PSEN1: variants seen among roughly 807,000 people sequenced by gnomAD.
PSEN1 encodes the protein presenilin 1.
Under a neutral mutation model 53.5 loss-of-function variants are expected in PSEN1, and 15 were observed. That is an observed-to-expected ratio of 0.28 (90% CI 0.19 to 0.43). PSEN1 has a LOEUF of 0.43. Among genes scored for constraint, PSEN1 ranks in the 20% least tolerant of loss-of-function variants. The pLI is 1.00. For synonymous variants in PSEN1, 208 were observed against 209.8 expected (o/e 0.99, Z 0.08); for missense variants, 387 against 571.2 (o/e 0.68, Z 3.29).
At chr14:73,196,206 T>C (rs1315170132) in intron 7 of PSEN1, among the ~76,000 whole-genome samples, 1 of 152,150 alleles carries the variant, frequency 6.6e-6, no homozygotes, top group Non-Finnish European at 1.5e-5. Flanking sequence ...AGCAGATTTA[T>C]CATTTAGCAA....
intron 10 of PSEN1, among the ~76,000 whole-genome samples, chr14:73,212,855 G>A (rs1040801157): frequency 6.6e-6 from 1 of 152,156 alleles, no homozygotes; most frequent in South Asian, 2.1e-4. Context: ...TTCCAACCAA[G>A]TTATTTTTGG....
chr14:73,190,580 A>G (rs1445591108), intron 6 of PSEN1, among the ~76,000 whole-genome samples: 2 of 152,062 alleles, frequency 1.3e-5, no homozygotes, highest in Non-Finnish European at 1.5e-5. Flanking sequence ...AAGGATGTAC[A>G]TGAAATTAAT....
chr14:73,200,320 A>C (rs992608120), intron 8 of PSEN1, among the ~76,000 whole-genome samples: 1 of 152,052 alleles, frequency 6.6e-6, no homozygotes. Flanking sequence ...CCCAAGCTGG[A>C]GTACAGTGGC....
At chr14:73,178,574 T>C (rs1328269630) in intron 5 of PSEN1, among the ~76,000 whole-genome samples, 5 of 152,198 alleles carry the variant, frequency 3.3e-5, no homozygotes, top group Non-Finnish European at 1.5e-5. Context: ...TTTTTTTCAC[T>C]ATTGTTCTGG....
Position 73,188,720 on chromosome 14 carries a change from GC to G in PSEN1, c.548+1801del, listed in dbSNP as rs1185169565. On this transcript the variant is annotated intron_variant, in intron 6 of 11. Coordinates refer to ENST00000324501, the MANE Select transcript of PSEN1 (RefSeq NM_000021.4). ...AGGCCAATGTCATCCTCATAGGGAA[GC>G]TAGAAGCTTGCCTATTAAGGTCAGG... Among the ~76,000 whole-genome samples the G allele has an allele frequency of 1.6e-4, 25 of 152,294 alleles. 1 individual carries two copies. The highest frequency in any genetic ancestry group is 6.8e-3 in the Middle Eastern group (2 of 294).
intron 5 of PSEN1, among the ~76,000 whole-genome samples, chr14:73,184,959 T>C (rs1595021913): frequency 2.9e-5 from 4 of 140,348 alleles, no homozygotes; most frequent in Admixed American, 2.8e-4. Context: ...GCTCCTCACA[T>C]CCCAGACGGG....
chr14:73,203,702 T>C (rs987472325), intron 8 of PSEN1, among the ~76,000 whole-genome samples: 4 of 152,234 alleles, frequency 2.6e-5, no homozygotes, highest in Admixed American at 1.3e-4. Flanking sequence ...AATATACACC[T>C]ACTCTTTGAG....
intron 8 of PSEN1, 177 bp from the exon 9 acceptor site, chr14:73,206,209 T>C (rs1899447369): frequency 7.9e-6 from 5 of 631,150 alleles, no homozygotes; most frequent in Non-Finnish European, 1.4e-5. Context: ...TCAGAACTTC[T>C]TCTCTTACCT....
At chr14:73,178,335 G>A (rs951371019) in intron 5 of PSEN1, among the ~76,000 whole-genome samples, 5 of 149,808 alleles carry the variant, frequency 3.3e-5, no homozygotes, top group African/African-American at 1.2e-4. Context: ...TTACAGAGAT[G>A]TGCCACCATG....
chr14:73,137,909 C>T (rs934137104), intron 1 of PSEN1, among the ~76,000 whole-genome samples: 2 of 152,072 alleles, frequency 1.3e-5, no homozygotes, highest in African/African-American at 2.4e-5. Flanking sequence ...AACCCCGGCT[C>T]TACAAAAAAT....
At chr14:73,173,159 G>A (rs1897940334) in intron 4 of PSEN1, among the ~76,000 whole-genome samples, 1 of 152,146 alleles carries the variant, frequency 6.6e-6, no homozygotes. Flanking sequence ...CAGATGAGAG[G>A]CACTAATTAT....
Position 73,219,641 on chromosome 14 carries a change from T to A in PSEN1, c.*352T>A. On this transcript the variant is annotated 3_prime_UTR_variant, in exon 12 of 12. Coordinates refer to ENST00000324501, the MANE Select transcript of PSEN1 (RefSeq NM_000021.4). Reference sequence around the variant, plus strand: ...ACGATTTCACTGACACTGCGAACTCTCAGGACTACCGTTACCAAGAGGTTA... The same window carrying A: ...ACGATTTCACTGACACTGCGAACTCACAGGACTACCGTTACCAAGAGGTTA... The A allele has an allele frequency of 2.9e-6, 1 of 347,310 alleles. No homozygotes were observed. The highest frequency in any genetic ancestry group is 5.5e-6 in the Non-Finnish European group (1 of 180,458). The allele number at this position is 347,310 out of a possible 1,614,324, so 21.5% of individuals were successfully genotyped here. A position where few individuals can be genotyped will look rare whatever the true frequency, so the allele number is the denominator to read the frequency against.
chr14:73,193,185 C>G (rs886846320), intron 7 of PSEN1, among the ~76,000 whole-genome samples: 4 of 151,932 alleles, frequency 2.6e-5, no homozygotes, highest in African/African-American at 9.7e-5. Context: ...TGGTGCACAC[C>G]TGTAGTTCCA....
chr14:73,188,253 G>A (rs1165161834), intron 6 of PSEN1, among the ~76,000 whole-genome samples: 1 of 152,094 alleles, frequency 6.6e-6, no homozygotes, highest in African/African-American at 2.4e-5. Context: ...ACCAAGTGGA[G>A]TTTGTTTGCA....
intron 8 of PSEN1, among the ~76,000 whole-genome samples, chr14:73,204,386 TA>T (rs200198177): frequency 0.056 from 8,482 of 151,818 alleles, 328 homozygotes; most frequent in Non-Finnish European, 0.089. Flanking sequence ...AAGTGATTTT[TA>T]AAAAAATATT....
intron 3 of PSEN1, chr14:73,168,893 C>A (rs545833750): frequency 6.6e-6 from 1 of 152,278 alleles, no homozygotes; most frequent in East Asian, 1.9e-4. Context: ...GCTGCGGGGC[C>A]GCATAGAGCC....
Position 73,192,719 on chromosome 14 carries a change from G to A in PSEN1, c.624G>A (p.Val208=). The stretch of plus-strand genomic sequence containing the variant: ...TCCTGATCTGGAATTTTGGTGTGGT[G>A]GGAATGATTTCCATTCACTGGAAAG... ...VALLIWNFGV[V]GMISIHWKGP... Residue 208 remains valine, a synonymous_variant, in exon 7 of 12, where the codon GTG becomes GTA. Transcript: ENST00000324501. The A allele has an allele frequency of 6.2e-7, 1 of 1,614,034 alleles. No homozygotes were observed. The highest frequency in any genetic ancestry group is 8.5e-7 in the Non-Finnish European group (1 of 1,179,940).
At chr14:73,185,411 C>T (rs1898464686) in intron 5 of PSEN1, among the ~76,000 whole-genome samples, 1 of 152,222 alleles carries the variant, frequency 6.6e-6, no homozygotes, top group African/African-American at 2.4e-5. Flanking sequence ...GGAGACCGGC[C>T]TGGCCAACAC....
chr14:73,208,888 C>G, intron 9 of PSEN1: 1 of 455,104 alleles, frequency 2.2e-6, no homozygotes, highest in Non-Finnish European at 4.4e-6. Context: ...CCAGGCTGTT[C>G]ATGCCAAAGG....
Sources: allele counts gnomAD v4.1 joint callset (sites outside exome capture counted in the v4.1 genomes callset), GRCh38; gene constraint gnomAD v4.1.1; transcripts MANE v1.5; gene names NCBI Gene and HGNC (gene_info 2026-07-23, HGNC 2026-07-21).